Variants in EYA2 observed in about 807,000 individuals in gnomAD.
EYA2 encodes EYA transcriptional coactivator and phosphatase 2, also known as protein phosphatase EYA2.
In EYA2, 31 loss-of-function variants were observed where a neutral mutation model predicts 69.2. The observed-to-expected ratio is 0.45, with a 90% CI of 0.34 to 0.60. The LOEUF (loss-of-function observed/expected upper bound fraction) is 0.60. Among genes scored for constraint, EYA2 ranks in the 20% least tolerant of loss-of-function variants. The probability of loss-of-function intolerance (pLI) is 0.02; values close to 1 mark genes in which losing one functional copy is unlikely to be tolerated. For synonymous variants in EYA2, 257 were observed against 279.4 expected (o/e 0.92, Z 0.80); for missense variants, 622 against 701.2 (o/e 0.89, Z 1.28).
intron 1 of EYA2, among the ~76,000 whole-genome samples, chr20:46,951,731 G>A (rs548881190): frequency 2.5e-4 from 38 of 152,352 alleles, no homozygotes; most frequent in Non-Finnish European, 4.7e-4. Flanking sequence ...TGAACTTCAA[G>A]TGACTAATCT....
chr20:46,974,913 T>C (rs1009462383), intron 1 of EYA2, among the ~76,000 whole-genome samples: 2 of 152,166 alleles, frequency 1.3e-5, no homozygotes, highest in African/African-American at 4.8e-5. Flanking sequence ...TTTGTGGGCC[T>C]AGAGAATATT....
intron 9 of EYA2, among the ~76,000 whole-genome samples, chr20:47,116,154 T>A (rs1304710134): frequency 6.8e-6 from 1 of 147,366 alleles, no homozygotes; most frequent in African/African-American, 2.5e-5. Context: ...GATTATAGAA[T>A]AACATCATCA....
At chr20:47,032,544 T>C (rs1385009108) in intron 5 of EYA2, among the ~76,000 whole-genome samples, 1 of 152,212 alleles carries the variant, frequency 6.6e-6, no homozygotes, top group African/African-American at 2.4e-5. Flanking sequence ...GTGTGCATCT[T>C]GTTTTATAAG....
At chr20:47,027,307 C>T (rs1568732382) in intron 5 of EYA2, among the ~76,000 whole-genome samples, 1 of 152,210 alleles carries the variant, frequency 6.6e-6, no homozygotes, top group Admixed American at 6.5e-5. Context: ...CTCACTGCAT[C>T]GGTCAAGACA....
chr20:47,039,616 ATCACACCC>A (rs1984924160), intron 5 of EYA2, among the ~76,000 whole-genome samples: 1 of 152,168 alleles, frequency 6.6e-6, no homozygotes, highest in South Asian at 2.1e-4. Flanking sequence ...TATCAACAAA[ATCACACCC>A]TCACTGCCTG....
chr20:47,038,989 A>G (rs759088816), intron 5 of EYA2, among the ~76,000 whole-genome samples: 5 of 151,792 alleles, frequency 3.3e-5, no homozygotes, highest in Admixed American at 2.6e-4. Context: ...AGGGGATGCA[A>G]CTCTACCCAC....
chr20:46,958,891 G>T (rs1028889530), intron 1 of EYA2, among the ~76,000 whole-genome samples: 3 of 152,192 alleles, frequency 2.0e-5, no homozygotes, highest in African/African-American at 7.2e-5. Context: ...TATTATGGTT[G>T]CATAGTATTC....
intron 14 of EYA2, among the ~76,000 whole-genome samples, chr20:47,183,031 G>A (rs2034567656): frequency 6.6e-6 from 1 of 152,206 alleles, no homozygotes; most frequent in South Asian, 2.1e-4. Flanking sequence ...AGACTTGGGA[G>A]CCTGCTCTAA....
At chr20:47,051,162 G>A (rs1316515088) in intron 5 of EYA2, among the ~76,000 whole-genome samples, 2 of 152,230 alleles carry the variant, frequency 1.3e-5, no homozygotes, top group Non-Finnish European at 2.9e-5. Context: ...CCCTCTCGTT[G>A]AGCACTGGCT....
At chr20:47,107,728 GAAAAGA>G (rs982113624) in intron 9 of EYA2, among the ~76,000 whole-genome samples, 2 of 138,910 alleles carry the variant, frequency 1.4e-5, no homozygotes, top group African/African-American at 5.4e-5. Flanking sequence ...AGAAGAAGAA[GAAAAGA>G]AAAAGAAGAA....
intron 1 of EYA2, among the ~76,000 whole-genome samples, chr20:46,987,919 T>A (rs112888221): frequency 0.031 from 584 of 18,686 alleles, 145 homozygotes; most frequent in East Asian, 0.11. Flanking sequence ...AGAGTAAGTC[T>A]CTCTCTCTCT....
At chr20:46,940,491 T>A (rs907836173) in intron 1 of EYA2, among the ~76,000 whole-genome samples, 1 of 152,148 alleles carries the variant, frequency 6.6e-6, no homozygotes, top group African/African-American at 2.4e-5. Flanking sequence ...CTACTGTTGC[T>A]TATAAAACGT....
At chr20:47,180,701 A>T (rs1361208871) in intron 13 of EYA2, 114 bp from the exon 14 acceptor site, 2 of 1,317,132 alleles carry the variant, frequency 1.5e-6, no homozygotes, top group Non-Finnish European at 2.1e-6. Context: ...TGAAGATGAC[A>T]GCCATAGCCT....
chr20:47,009,388 A>T (rs1982923994), intron 4 of EYA2, among the ~76,000 whole-genome samples: 2 of 152,246 alleles, frequency 1.3e-5, no homozygotes, highest in Admixed American at 1.3e-4. Context: ...TTGTTTAAAT[A>T]CCTGCAGGAA....
intron 12 of EYA2, among the ~76,000 whole-genome samples, chr20:47,175,944 C>T (rs564674439): frequency 4.6e-5 from 7 of 152,108 alleles, no homozygotes; most frequent in Non-Finnish European, 1.0e-4. Context: ...CATTCTTCCA[C>T]GTGTCCATCG....
chr20:46,896,702 C>T (rs1031343868), intron 1 of EYA2, among the ~76,000 whole-genome samples: 2 of 152,138 alleles, frequency 1.3e-5, no homozygotes, highest in Non-Finnish European at 2.9e-5. Context: ...TCCTTGCCTT[C>T]GTAGCAAACT....
intron 5 of EYA2, among the ~76,000 whole-genome samples, chr20:47,070,289 A>G (rs1315093633): frequency 6.6e-6 from 1 of 152,272 alleles, no homozygotes; most frequent in Non-Finnish European, 1.5e-5. Context: ...GCTAAAAAGC[A>G]CATGAAAAAT....
At chr20:46,920,813 T>G (rs1985146390) in intron 1 of EYA2, among the ~76,000 whole-genome samples, 1 of 152,214 alleles carries the variant, frequency 6.6e-6, no homozygotes, top group African/African-American at 2.4e-5. Context: ...CTTACTGATT[T>G]TCCAGGGAGC....
intron 7 of EYA2, among the ~76,000 whole-genome samples, chr20:47,082,857 C>A (rs1353244884): frequency 6.6e-6 from 1 of 151,886 alleles, no homozygotes; most frequent in Non-Finnish European, 1.5e-5. Flanking sequence ...CAATGCAGCA[C>A]TGGCATAAAA....
Sources: allele counts gnomAD v4.1 joint callset (sites outside exome capture counted in the v4.1 genomes callset), GRCh38; gene constraint gnomAD v4.1.1; transcripts MANE v1.5; gene names NCBI Gene and HGNC (gene_info 2026-07-23, HGNC 2026-07-21).